ARHGEF5: variants seen among roughly 807,000 people sequenced by gnomAD.
The protein encoded by ARHGEF5 is Rho guanine nucleotide exchange factor (GEF) 5.
In ARHGEF5, 11 loss-of-function variants were observed where a neutral mutation model predicts 104.0. The ratio of observed to expected loss-of-function variants is 0.11; its 90% CI spans 0.07 to 0.18. The LOEUF (loss-of-function observed/expected upper bound fraction) is 0.18, where lower values mean the gene tolerates loss of function less well. ARHGEF5 is among the 10% of genes least tolerant of loss of function. The probability of loss-of-function intolerance (pLI) is 1.00; values close to 1 mark genes in which losing one functional copy is unlikely to be tolerated. For synonymous variants in ARHGEF5, 60 were observed against 512.2 expected (o/e 0.12, Z 11.92); for missense variants, 165 against 1,335.4 (o/e 0.12, Z 13.66).
rs1165076136 is a variant in ARHGEF5, at chr7:144,380,069, A to T, written c.*13A>T. 6.2e-7 allele frequency: 1 copy of T among 1,613,960 alleles called. No individual in the cohort carries two copies. The highest frequency in any genetic ancestry group is 1.3e-5 in the African/African-American group (1 of 74,924). ...ACAGCAAGCCTAAGTCTTCTCTGAG[A>T]GGAGTTTCGTGAGCTGAAGAACAAG... is the stretch of plus-strand genomic sequence containing the variant. On this transcript the variant is annotated 3_prime_UTR_variant, in exon 15 of 15. Coordinates refer to ENST00000056217, the MANE Select transcript of ARHGEF5 (RefSeq NM_005435.4).
At chr7:144,379,351 C>G (rs751866544) in intron 14 of ARHGEF5, among the ~76,000 whole-genome samples, 1 of 152,126 alleles carries the variant, frequency 6.6e-6, no homozygotes, top group Non-Finnish European at 1.5e-5. Context: ...TCCCAAGTAG[C>G]TGCGTGAGCC....
intron 13 of ARHGEF5, 149 bp from the exon 14 acceptor site, chr7:144,378,613 A>G: frequency 1.6e-6 from 1 of 632,094 alleles, no homozygotes; most frequent in Non-Finnish European, 2.8e-6. Context: ...TTTATTAACC[A>G]TTTTCAAATT....
intron 5 of ARHGEF5, among the ~76,000 whole-genome samples, chr7:144,370,708 C>T (rs2053716726): frequency 1.3e-5 from 2 of 148,528 alleles, no homozygotes; most frequent in South Asian, 4.3e-4. Flanking sequence ...TCAAGTGATG[C>T]ACCCACCTCA....
intron 1 of ARHGEF5, among the ~76,000 whole-genome samples, chr7:144,359,908 G>C (rs1351789860): frequency 3.5e-5 from 5 of 144,808 alleles, no homozygotes; most frequent in African/African-American, 1.3e-4. Flanking sequence ...GTGGAGGCCA[G>C]TGCCCAAGCT....
chr7:144,363,246 A>G lies in ARHGEF5; in HGVS notation c.577A>G (p.Thr193Ala), dbSNP rs1209426616. ...YSPCEEHPAE[T>A]NQNEGSESGT... ...TCCCTGCGAAGAGCATCCTGCAGAGACCAACCAGAATGAAGGCTCTGAAAG... is the reference window on the plus strand; with the variant it reads ...TCCCTGCGAAGAGCATCCTGCAGAGGCCAACCAGAATGAAGGCTCTGAAAG... Residue 193 changes from threonine to alanine, a missense_variant, in exon 2 of 15, where the codon ACC (threonine) becomes GCC (alanine). Thr to Ala is a moderately conservative substitution (Grantham distance 58, BLOSUM62 0). Transcript: ENST00000056217. 1.3e-6 allele frequency: 2 copies of G among 1,591,968 alleles called. No homozygotes were observed. The highest frequency in any genetic ancestry group is 2.7e-5 in the African/African-American group (2 of 73,586).
In ARHGEF5 at chr7:144,380,036, C is replaced by A. The variant is rs1436036899; in HGVS notation, c.4774C>A (p.Leu1592Met). Residue 1592 changes from leucine to methionine, a missense_variant, in exon 15 of 15, where the codon CTG becomes ATG. Physicochemically the swap from Leu to Met is conservative, Grantham distance 15. Coordinates refer to ENST00000056217, the MANE Select transcript of ARHGEF5 (RefSeq NM_005435.4). Reference protein sequence around the residue: ...AHRVKTAKLQLVEQQA With the variant: ...AHRVKTAKLQMVEQQA ...TCGAGTCAAGACTGCCAAACTACAG[C>A]TGGTGGAACAGCAAGCCTAAGTCTT... is the stretch of plus-strand genomic sequence containing the variant. 4 of 1,614,212 alleles carry A rather than the reference C, an allele frequency of 2.5e-6. No individual in the cohort carries two copies. The East Asian group carries it at 8.9e-5, about 36-fold the overall frequency.
At chr7:144,378,692 C>A (rs1587074696) in intron 13 of ARHGEF5, 70 bp from the exon 14 acceptor site, 2 of 1,375,600 alleles carry the variant, frequency 1.5e-6, no homozygotes, top group East Asian at 4.8e-5. Flanking sequence ...CGCCACCCCC[C>A]TCCAAGTCCC....
chr7:144,378,109 T>C (rs1055716459), intron 13 of ARHGEF5, among the ~76,000 whole-genome samples: 1 of 152,226 alleles, frequency 6.6e-6, no homozygotes, highest in Admixed American at 6.5e-5. Context: ...TTTCTTGAGC[T>C]TCAGATCTAT....
chr7:144,379,866 A>G (rs1163570373), intron 14 of ARHGEF5, 33 bp from the exon 15 acceptor site: 1 of 1,613,256 alleles, frequency 6.2e-7, no homozygotes, highest in Non-Finnish European at 8.5e-7. Context: ...AGCCTTTCCC[A>G]GGTAATTCTT....
intron 13 of ARHGEF5, among the ~76,000 whole-genome samples, chr7:144,377,404 C>G (rs1267670647): frequency 6.6e-6 from 1 of 152,218 alleles, no homozygotes; most frequent in East Asian, 1.9e-4. Flanking sequence ...CCCATACATT[C>G]CCTTCCTTGG....
intron 14 of ARHGEF5, 80 bp downstream of exon 14, chr7:144,378,946 G>T: frequency 2.2e-6 from 3 of 1,372,802 alleles, no homozygotes; most frequent in Admixed American, 1.7e-5. Flanking sequence ...TCCTGCAGCT[G>T]CCATGACAAA....
At chr7:144,378,558 A>T (rs2053777545) in intron 13 of ARHGEF5, among the ~76,000 whole-genome samples, 1 of 152,174 alleles carries the variant, frequency 6.6e-6, no homozygotes, top group African/African-American at 2.4e-5. Flanking sequence ...TCTCCTCTGG[A>T]GAAGTGGAAT....
At chr7:144,359,938 C>T (rs1433914538) in intron 1 of ARHGEF5, among the ~76,000 whole-genome samples, 17 of 142,122 alleles carry the variant, frequency 1.2e-4, no homozygotes, top group African/African-American at 2.3e-4. Flanking sequence ...TGCAGTGGCC[C>T]GGGCGAGACG....
chr7:144,379,935 G>A lies in ARHGEF5; in HGVS notation c.4673G>A (p.Arg1558Gln), dbSNP rs759733893. 6 of 1,614,102 alleles carry A rather than the reference G, an allele frequency of 3.7e-6. No homozygotes were observed. Among genetic ancestry groups the A allele is most frequent in the African/African-American group, 2.7e-5 (2 of 74,936 alleles). ...LEGVRLSDGE[R>Q]GWFPVQQVEF... ...GGCGTGAGGCTCTCAGACGGGGAGC[G>A]AGGCTGGTTTCCTGTGCAGCAGGTG... Residue 1558 changes from arginine to glutamine, a missense_variant, in exon 15 of 15, where the codon CGA becomes CAA. Arg to Gln is a conservative substitution (Grantham distance 43). Transcript: ENST00000056217.
At chr7:144,378,344 A>C (rs2053775995) in intron 13 of ARHGEF5, among the ~76,000 whole-genome samples, 1 of 152,236 alleles carries the variant, frequency 6.6e-6, no homozygotes, top group Non-Finnish European at 1.5e-5. Flanking sequence ...AATAAGACAC[A>C]GACTCAGATT....
intron 13 of ARHGEF5, among the ~76,000 whole-genome samples, chr7:144,378,416 T>C (rs928406367): frequency 1.3e-5 from 2 of 152,204 alleles, no homozygotes; most frequent in African/African-American, 2.4e-5. Flanking sequence ...GATAAATGCC[T>C]TGGCATGAAC....
chr7:144,360,977 CACA>C (rs1447360999), intron 1 of ARHGEF5, among the ~76,000 whole-genome samples: 2 of 145,882 alleles, frequency 1.4e-5, no homozygotes, highest in Non-Finnish European at 3.1e-5. Context: ...CGCCTATAAT[CACA>C]ACACTTCGGG....
intron 1 of ARHGEF5, among the ~76,000 whole-genome samples, chr7:144,360,850 A>T: frequency 7.0e-6 from 1 of 143,682 alleles, no homozygotes; most frequent in South Asian, 2.2e-4. Context: ...TTATATAATT[A>T]TAATTGTATA....
chr7:144,378,221 T>G (rs542309840), intron 13 of ARHGEF5, among the ~76,000 whole-genome samples: 3 of 152,198 alleles, frequency 2.0e-5, no homozygotes, highest in Admixed American at 6.6e-5. Flanking sequence ...TGATCACTGA[T>G]AGATGAGTAA....
Sources: allele counts gnomAD v4.1 joint callset (sites outside exome capture counted in the v4.1 genomes callset), GRCh38; gene constraint gnomAD v4.1.1; transcripts MANE v1.5; gene names NCBI Gene and HGNC (gene_info 2026-07-23, HGNC 2026-07-21).